Variants in CBLIF observed in about 807,000 individuals in gnomAD.
CBLIF encodes the protein cobalamin binding intrinsic factor.
CBLIF carries 24 observed loss-of-function variants against 44.9 expected under a neutral mutation model. The observed-to-expected ratio is 0.53, with a 90% CI of 0.39 to 0.75. CBLIF has a LOEUF of 0.75. Among genes scored for constraint, CBLIF ranks in the 30% least tolerant of loss-of-function variants. The probability of loss-of-function intolerance (pLI) is 0.00; values close to 1 mark genes in which losing one functional copy is unlikely to be tolerated. For synonymous variants in CBLIF, 183 were observed against 190.9 expected (o/e 0.96, Z 0.34); for missense variants, 481 against 513.0 (o/e 0.94, Z 0.60).
At chr11:59,841,117 A>G in intron 5 of CBLIF, 26 bp downstream of exon 5, 1 of 1,575,820 alleles carries the variant, frequency 6.3e-7, no homozygotes, top group Non-Finnish European at 8.7e-7. Context: ...CAGGAACCCA[A>G]CCAAGAGCAT....
At chr11:59,833,041 A>G (rs1379538648) in intron 7 of CBLIF, among the ~76,000 whole-genome samples, 1 of 152,216 alleles carries the variant, frequency 6.6e-6, no homozygotes, top group Non-Finnish European at 1.5e-5. Flanking sequence ...AAAAGTTATA[A>G]AAAATATTAA....
rs1866343019 is a variant in CBLIF at position 59,829,655 on chromosome 11, G to A, written c.1193-110C>T. On this transcript the variant is annotated intron_variant, in intron 8 of 8. Transcript: ENST00000257248. ...AGTGAACCCATTAAATGTTTTTAAA[G>A]GAGTAAAATCATCCTAGAGAGAAAT... is the stretch of plus-strand genomic sequence containing the variant. The A allele has an allele frequency of 5.5e-6, 4 of 729,478 alleles. No homozygotes were observed. In the East Asian group the frequency reaches 1.1e-4, roughly 19 times the overall value. 45.2% of individuals were successfully genotyped at this position (729,478 alleles called of 1,614,324 possible).
chr11:59,843,058 G>T lies in CBLIF; in HGVS notation c.340C>A (p.Gln114Lys). The T allele has an allele frequency of 6.2e-7, 1 of 1,611,756 alleles. No individual in the cohort carries two copies. The highest frequency in any genetic ancestry group is 8.5e-7 in the Non-Finnish European group (1 of 1,178,292). Reference protein sequence around the residue: ...RDPGDKVSILQRQMENWAPSS... With the variant: ...RDPGDKVSILKRQMENWAPSS... Reference sequence around the variant, plus strand: ...GGTGCCCAGTTCTCCATTTGTCTTTGTAGAATGGATACTTTATCCCCAGGG... The same window carrying T: ...GGTGCCCAGTTCTCCATTTGTCTTTTTAGAATGGATACTTTATCCCCAGGG... The change falls in exon 3 of 9, where the codon CAA (glutamine) becomes AAA (lysine). Residue 114 changes from glutamine to lysine, a missense_variant. Coordinates refer to ENST00000257248, the MANE Select transcript of CBLIF (RefSeq NM_005142.3).
At chr11:59,829,631 G>T in intron 8 of CBLIF, 86 bp from the exon 9 acceptor site, 1 of 807,794 alleles carries the variant, frequency 1.2e-6, no homozygotes, top group Non-Finnish European at 2.2e-6. Flanking sequence ...GCTAGATGCA[G>T]TGAACCCATT....
At chr11:59,839,850 C>T (rs1028276158) in intron 5 of CBLIF, among the ~76,000 whole-genome samples, 1 of 151,856 alleles carries the variant, frequency 6.6e-6, no homozygotes, top group African/African-American at 2.4e-5. Flanking sequence ...ACTTCACTGT[C>T]TGGTGATAAA....
chr11:59,841,829 G>A (rs567479546), intron 4 of CBLIF, among the ~76,000 whole-genome samples: 2 of 152,248 alleles, frequency 1.3e-5, no homozygotes, highest in African/African-American at 4.8e-5. Flanking sequence ...ATGAATGCGG[G>A]CTGTGACAGT....
chr11:59,845,363 C>G lies in CBLIF; in HGVS notation c.79+12G>C. 1 of 1,609,338 alleles carries G rather than the reference C, an allele frequency of 6.2e-7. No individual in the cohort carries two copies. ...TGCTTCCCTGACCTCCTTGGAAAAA[C>G]ATCATACTCACAGCATGAACTCTGG... is the stretch of plus-strand genomic sequence containing the variant. On this transcript the variant is annotated intron_variant, in intron 1 of 8. Coordinates refer to ENST00000257248, the MANE Select transcript of CBLIF (RefSeq NM_005142.3).
In CBLIF at chr11:59,829,454, T is replaced by G. The variant is rs185567715; in HGVS notation, c.*30A>C. 2.1e-6 allele frequency: 3 copies of G among 1,455,780 alleles called. No individual in the cohort carries two copies. Among genetic ancestry groups the G allele is most frequent in the Non-Finnish European group, 2.9e-6 (3 of 1,035,398 alleles). 90.2% of individuals were successfully genotyped at this position (1,455,780 alleles called of 1,614,324 possible). A position where few individuals can be genotyped will look rare whatever the true frequency, so the allele number is the denominator to read the frequency against. ...AAAAATTTCACCCATCCTTTGGAGA[T>G]GTTTGATAGAAGCTGAACCCACCTC... On this transcript the variant is annotated 3_prime_UTR_variant, in exon 9 of 9. Coordinates refer to ENST00000257248, the MANE Select transcript of CBLIF (RefSeq NM_005142.3).
Position 59,842,470 on chromosome 11 carries a change from G to A in CBLIF, c.484C>T (p.Leu162=), listed in dbSNP as rs1381598893. Residue 162 remains leucine (L), a synonymous_variant, in exon 4 of 9, where the codon CTG becomes TTG. Coordinates refer to ENST00000257248, the MANE Select transcript of CBLIF (RefSeq NM_005142.3). ...PIAVRFAKTL[L]ANSSPFNVDT... The stretch of plus-strand genomic sequence containing the variant: ...ACATTGAAGGGAGAGGAGTTGGCCA[G>A]CAGGGTCTTGGCAAAGCGGACGGCT... 2 of 1,613,824 alleles carry A rather than the reference G, an allele frequency of 1.2e-6. No homozygotes were observed. The highest frequency in any genetic ancestry group is 1.7e-6 in the Non-Finnish European group (2 of 1,180,032).
Position 59,835,796 on chromosome 11 carries a change from T to G in CBLIF, c.1073+12A>C. The G allele has an allele frequency of 6.3e-7, 1 of 1,582,500 alleles. No homozygotes were observed. Among genetic ancestry groups the G allele is most frequent in the Non-Finnish European group, 8.7e-7 (1 of 1,151,066 alleles). Reference sequence around the variant, plus strand: ...CCTTGAGAGAATGATGAATGACATTTGTAATACTCACTTGAACATAGGATT... The same window carrying G: ...CCTTGAGAGAATGATGAATGACATTGGTAATACTCACTTGAACATAGGATT... On this transcript the variant is annotated intron_variant, in intron 7 of 8. Transcript: ENST00000257248.
At chr11:59,830,237 T>G (rs868185450) in intron 8 of CBLIF, among the ~76,000 whole-genome samples, 1 of 140,808 alleles carries the variant, frequency 7.1e-6, no homozygotes, top group Non-Finnish European at 1.5e-5. Flanking sequence ...TACTTTCTTT[T>G]TTTTTTTTTT....
intron 7 of CBLIF, among the ~76,000 whole-genome samples, chr11:59,832,932 C>T (rs987274507): frequency 7.9e-5 from 12 of 151,978 alleles, no homozygotes; most frequent in African/African-American, 1.2e-4. Context: ...TATGCAATAA[C>T]GTTAAGTGAA....
At chr11:59,829,574 T>G in intron 8 of CBLIF, 29 bp from the exon 9 acceptor site, 1 of 1,445,574 alleles carries the variant, frequency 6.9e-7, no homozygotes, top group Non-Finnish European at 9.7e-7. Context: ...TAACATGAGG[T>G]GACTGTGGTG....
rs1315283307 is a variant in CBLIF at position 59,829,506 on chromosome 11, G to A, written c.1232C>T (p.Thr411Ile). ...TCGTTAGTACTGTGTGAAATTGGCT[G>A]TGATGTGCTCGTGGTTGAAGGGTAT... is the stretch of plus-strand genomic sequence containing the variant. ...DYIPFNHEHI[T>I]ANFTQY Residue 411 changes from threonine to isoleucine, a missense_variant, in exon 9 of 9, where the codon ACA becomes ATA. Coordinates refer to ENST00000257248, the MANE Select transcript of CBLIF (RefSeq NM_005142.3). 6.2e-7 allele frequency: 1 copy of A among 1,610,474 alleles called. No homozygotes were observed.
intron 8 of CBLIF, among the ~76,000 whole-genome samples, chr11:59,830,775 T>G (rs1020960419): frequency 2.0e-5 from 3 of 152,232 alleles, no homozygotes; most frequent in African/African-American, 2.4e-5. Flanking sequence ...ATTTTAAAGC[T>G]GTGGAAACTG....
At chr11:59,834,316 C>A (rs903475071) in intron 7 of CBLIF, among the ~76,000 whole-genome samples, 1 of 135,794 alleles carries the variant, frequency 7.4e-6, no homozygotes, top group South Asian at 2.3e-4. Context: ...TTCTTTCTTC[C>A]TTCCTTCCTT....
chr11:59,830,229 C>T (rs1267750489), intron 8 of CBLIF, among the ~76,000 whole-genome samples: 2 of 144,482 alleles, frequency 1.4e-5, no homozygotes, highest in Non-Finnish European at 3.0e-5. Context: ...GGGGCAATTA[C>T]TTTCTTTTTT....
chr11:59,841,655 G>C (rs1444455430), intron 4 of CBLIF, among the ~76,000 whole-genome samples: 1 of 152,200 alleles, frequency 6.6e-6, no homozygotes, highest in Non-Finnish European at 1.5e-5. Context: ...GTGAAAGGGA[G>C]ACCAGTCTGT....
At chr11:59,831,101 C>A (rs1185157211) in intron 8 of CBLIF, among the ~76,000 whole-genome samples, 1 of 152,228 alleles carries the variant, frequency 6.6e-6, no homozygotes, top group African/African-American at 2.4e-5. Context: ...AACCATACAG[C>A]AATGCTCTTT....
Sources: allele counts gnomAD v4.1 joint callset (sites outside exome capture counted in the v4.1 genomes callset), GRCh38; gene constraint gnomAD v4.1.1; transcripts MANE v1.5; gene names NCBI Gene and HGNC (gene_info 2026-07-23, HGNC 2026-07-21).